CACNA1E: variants seen among roughly 807,000 people sequenced by gnomAD.
CACNA1E encodes the protein calcium voltage-gated channel subunit alpha1 E.
A neutral mutation model predicts 259.2 loss-of-function variants in CACNA1E; 40 were observed. The ratio of observed to expected loss-of-function variants is 0.15; its 90% confidence interval spans 0.12 to 0.20. The LOEUF is 0.20. Ranked by LOEUF, CACNA1E falls within the 10% of genes least tolerant of loss-of-function variation. The probability of loss-of-function intolerance (pLI) is 1.00; values close to 1 mark genes in which losing one functional copy is unlikely to be tolerated. For missense variants in CACNA1E, 1,874 were observed against 3,040.1 expected (o/e 0.62, Z 9.02); for synonymous variants, 1,104 against 1,138.5 (o/e 0.97, Z 0.61).
chr1:181,763,282 G>T, intron 33 of CACNA1E, 124 bp from the exon 34 acceptor site: 1 of 810,754 alleles, frequency 1.2e-6, no homozygotes, highest in East Asian at 2.6e-5. Context: ...TGGAATTGGG[G>T]TTAACAAAGA....
At chr1:181,500,646 C>T (rs1451717974) in intron 1 of CACNA1E, among the ~76,000 whole-genome samples, 1 of 152,198 alleles carries the variant, frequency 6.6e-6, no homozygotes, top group Non-Finnish European at 1.5e-5. Context: ...TAGAAAACAT[C>T]TGAGCCCCTT....
chr1:181,712,963 C>A (rs1441254818), intron 8 of CACNA1E, among the ~76,000 whole-genome samples: 1 of 152,200 alleles, frequency 6.6e-6, no homozygotes, highest in African/African-American at 2.4e-5. Context: ...GTTGGCAAAG[C>A]CAGCTCTCTC....
At chr1:181,782,339 G>A (rs1398908025) in intron 39 of CACNA1E, among the ~76,000 whole-genome samples, 1 of 152,206 alleles carries the variant, frequency 6.6e-6, no homozygotes, top group Non-Finnish European at 1.5e-5. Context: ...TGCCCTTGGG[G>A]TGCTCATAGC....
intron 1 of CACNA1E, among the ~76,000 whole-genome samples, chr1:181,395,464 G>A (rs1409492156): frequency 6.6e-6 from 1 of 152,180 alleles, no homozygotes; most frequent in African/African-American, 2.4e-5. Context: ...TCTGAGCTGA[G>A]TTATAAATTT....
At chr1:181,516,366 C>T (rs1449904309) in intron 3 of CACNA1E, among the ~76,000 whole-genome samples, 1 of 151,910 alleles carries the variant, frequency 6.6e-6, no homozygotes, top group African/African-American at 2.4e-5. Flanking sequence ...CACACACACA[C>T]ACACACACAC....
chr1:181,354,720 C>T (rs945915186), intron 1 of CACNA1E, among the ~76,000 whole-genome samples: 1 of 152,032 alleles, frequency 6.6e-6, no homozygotes, highest in African/African-American at 2.4e-5. Flanking sequence ...GGCAGTAGAG[C>T]CTTGGTTCCG....
At chr1:181,506,795 A>G (rs1471648982) in intron 1 of CACNA1E, among the ~76,000 whole-genome samples, 1 of 152,156 alleles carries the variant, frequency 6.6e-6, no homozygotes, top group Admixed American at 6.5e-5. Flanking sequence ...AAAGAGTTTA[A>G]AGAACAGGGC....
chr1:181,450,086 G>A (rs1198949856), intron 2 of CACNA1E, among the ~76,000 whole-genome samples: 1 of 152,204 alleles, frequency 6.6e-6, no homozygotes, highest in East Asian at 1.9e-4. Flanking sequence ...TGAAGGAGAA[G>A]CCAGCATGTC....
intron 1 of CACNA1E, among the ~76,000 whole-genome samples, chr1:181,344,802 T>G (rs568877899): frequency 3.9e-5 from 6 of 152,228 alleles, no homozygotes; most frequent in Admixed American, 2.6e-4. Flanking sequence ...GCCATCGGCC[T>G]GGGAACCTGA....
Position 181,557,031 on chromosome 1 carries a change from C to T in CACNA1E, c.513-20735C>T, listed in dbSNP as rs556193038. ...GAAAGGGGAGCTGAGGCATGGGTCTCTGTCTCCTTGGCCCTGGGAGAAGGG... is the reference window on the plus strand; with the variant it reads ...GAAAGGGGAGCTGAGGCATGGGTCTTTGTCTCCTTGGCCCTGGGAGAAGGG... On this transcript the variant is annotated intron_variant, in intron 3 of 47. Transcript: ENST00000367573. Among the ~76,000 whole-genome samples, 28 of 152,278 alleles carry T rather than the reference C, an allele frequency of 1.8e-4. No individual in the cohort carries two copies. In the South Asian group the frequency reaches 5.8e-3, roughly 32 times the overall value.
At chr1:181,476,450 C>T (rs1662856444) in intron 2 of CACNA1E, among the ~76,000 whole-genome samples, 1 of 152,170 alleles carries the variant, frequency 6.6e-6, no homozygotes, top group African/African-American at 2.4e-5. Context: ...TATTCTCTTT[C>T]TCTGGGCCTT....
Position 181,721,825 on chromosome 1 carries a change from C to T in CACNA1E, c.2024C>T (p.Ser675Leu), listed in dbSNP as rs748296076. 2.5e-6 allele frequency: 4 copies of T among 1,613,670 alleles called. No individual in the cohort carries two copies. The highest frequency in any genetic ancestry group is 1.6e-4 in the Middle Eastern group (1 of 6,062). ...NGIRSQGGVS[S>L]GMWSAIYFIV... ...ATCCGCTCCCAGGGTGGGGTCAGCT[C>T]AGGCATGTGGTCTGCCATCTACTTC... The change falls in exon 16 of 48, where the codon TCA becomes TTA. Residue 675 changes from serine to leucine, a missense_variant. This residue lies in a region of CACNA1E where 102 missense variants were observed against 279.4 expected (regional missense o/e 0.37). Transcript: ENST00000367573.
At chr1:181,494,845 T>C (rs1379152114) in intron 1 of CACNA1E, among the ~76,000 whole-genome samples, 1 of 152,222 alleles carries the variant, frequency 6.6e-6, no homozygotes, top group East Asian at 1.9e-4. Flanking sequence ...TGATAAAAAA[T>C]ATATTTAGAA....
intron 3 of CACNA1E, among the ~76,000 whole-genome samples, chr1:181,536,956 A>G (rs1308362591): frequency 6.6e-6 from 1 of 151,912 alleles, no homozygotes; most frequent in African/African-American, 2.4e-5. Context: ...TATTCAAACC[A>G]TCACCCTGTT....
At chr1:181,640,582 T>C (rs1319970245) in intron 6 of CACNA1E, among the ~76,000 whole-genome samples, 1 of 152,194 alleles carries the variant, frequency 6.6e-6, no homozygotes, top group Non-Finnish European at 1.5e-5. Context: ...ATAAATTAAT[T>C]CGCCTTCTGC....
chr1:181,624,341 T>C (rs890119185), intron 6 of CACNA1E, among the ~76,000 whole-genome samples: 5 of 152,206 alleles, frequency 3.3e-5, no homozygotes, highest in Non-Finnish European at 7.3e-5. Context: ...GCTGCAGCCA[T>C]TGACTCTTTC....
intron 1 of CACNA1E, among the ~76,000 whole-genome samples, chr1:181,494,897 T>C (rs149229622): frequency 6.6e-6 from 1 of 152,358 alleles, no homozygotes; most frequent in East Asian, 1.9e-4. Flanking sequence ...TATTAGTCAG[T>C]GTGCGTTGAC....
chr1:181,793,558 G>C, intron 44 of CACNA1E, 107 bp from the exon 45 acceptor site: 1 of 1,208,618 alleles, frequency 8.3e-7, no homozygotes, highest in South Asian at 1.5e-5. Context: ...AAAGCTGCAA[G>C]TCTCTCTTTT....
upstream of CACNA1E, among the ~76,000 whole-genome samples, chr1:181,479,127 A>C (rs1211519119): frequency 1.3e-5 from 2 of 152,174 alleles, no homozygotes; most frequent in Non-Finnish European, 2.9e-5. Context: ...TGGTAACCCC[A>C]TCTTAACTTG....
Sources: allele counts gnomAD v4.1 joint callset (sites outside exome capture counted in the v4.1 genomes callset), GRCh38; gene constraint gnomAD v4.1.1; regional missense constraint gnomAD v4.1.1; transcripts MANE v1.5; gene names NCBI Gene and HGNC (gene_info 2026-07-23, HGNC 2026-07-21).